Variants in EYA3 observed in about 807,000 individuals in gnomAD.
The protein encoded by EYA3 is protein phosphatase EYA3.
EYA3 carries 39 observed loss-of-function variants against 80.0 expected under a neutral mutation model. The observed-to-expected ratio is 0.49, with a 90% CI of 0.38 to 0.64. The LOEUF (loss-of-function observed/expected upper bound fraction) is 0.64. Ranked by LOEUF, EYA3 falls within the 30% of genes least tolerant of loss-of-function variation. EYA3 has a pLI of 0.00. For missense variants in EYA3, 523 were observed against 676.1 expected, an observed-to-expected ratio of 0.77 and a Z score of 2.51; for synonymous variants, 206 against 232.8, an observed-to-expected ratio of 0.88 and a Z score of 1.05.
chr1:28,047,032 A>G (rs1644033670), intron 3 of EYA3, among the ~76,000 whole-genome samples: 1 of 151,732 alleles, frequency 6.6e-6, no homozygotes, highest in Non-Finnish European at 1.5e-5. Context: ...TGTTTTTTAT[A>G]GAGACAGCAT....
chr1:28,044,265 A>G (rs1391706406), intron 3 of EYA3, among the ~76,000 whole-genome samples: 1 of 152,184 alleles, frequency 6.6e-6, no homozygotes, highest in Non-Finnish European at 1.5e-5. Context: ...GCTCAAGTTC[A>G]TATTCTATTC....
intron 1 of EYA3, among the ~76,000 whole-genome samples, chr1:28,086,326 A>T (rs1645651312): frequency 6.6e-6 from 1 of 152,000 alleles, no homozygotes; most frequent in South Asian, 2.1e-4. Flanking sequence ...CAATCCTCCA[A>T]CCTCAACCTC....
chr1:27,991,091 A>G (rs1254611141), intron 14 of EYA3, among the ~76,000 whole-genome samples: 2 of 152,162 alleles, frequency 1.3e-5, no homozygotes, highest in African/African-American at 4.8e-5. Flanking sequence ...AGACTGGTTG[A>G]CCACACTTTG....
intron 7 of EYA3, among the ~76,000 whole-genome samples, chr1:28,025,948 G>A (rs12562773): frequency 6.6e-5 from 10 of 152,008 alleles, no homozygotes; most frequent in African/African-American, 9.7e-5. Context: ...TAGTAGAGAC[G>A]GGGTTTCTCC....
In EYA3 at chr1:28,003,472, A is replaced by AAAAC. The variant is rs111781878; in HGVS notation, c.993+860_993+863dup. On this transcript the variant is annotated intron_variant, in intron 11 of 17. Transcript: ENST00000373871. ...TGACAAGAGCAAGACTCTCTCTCAA[A>AAAAC]AAACAAACAAACAAACAAACAAACA... Among the ~76,000 whole-genome samples the AAAAC allele has an allele frequency of 2.7e-3, 409 of 152,162 alleles. 2 individuals are homozygous for AAAAC. Among genetic ancestry groups the AAAAC allele is most frequent in the African/African-American group, 8.6e-3 (357 of 41,440 alleles).
At position 28,005,714 on chromosome 1, in the gene EYA3, C is replaced by CA. The variant is rs1200891131; in HGVS notation, c.910-1296dup. 1.5e-3 allele frequency among the ~76,000 whole-genome samples: 221 copies of CA among 150,522 alleles called. 1 individual carries two copies. The highest frequency in any genetic ancestry group is 4.9e-3 in the African/African-American group (201 of 40,980). ...TGGGCAACGAAGTGAGAACCTGTCT[C>CA]AAAAAAAACCCAAAAAACAAAAAAC... On this transcript the variant is annotated intron_variant, in intron 10 of 17. Transcript: ENST00000373871.
At chr1:28,042,761 A>C in intron 3 of EYA3, 111 bp from the exon 4 acceptor site, 1 of 812,740 alleles carries the variant, frequency 1.2e-6, no homozygotes, top group South Asian at 1.5e-5. Context: ...AGGCAAAGTA[A>C]ATCTTCGTGA....
chr1:28,014,424 A>T (rs11588461), intron 8 of EYA3, among the ~76,000 whole-genome samples: 2 of 130,310 alleles, frequency 1.5e-5, no homozygotes, highest in East Asian at 2.5e-4. Context: ...TCTCAAAAAA[A>T]AAAAAAAAAA....
At chr1:28,059,773 T>G (rs892367189) in intron 1 of EYA3, among the ~76,000 whole-genome samples, 51 of 144,506 alleles carry the variant, frequency 3.5e-4, no homozygotes, top group Non-Finnish European at 6.1e-4. Context: ...CAGGCTGGAG[T>G]GCAGTGGCGC....
At chr1:28,055,290 T>C (rs1169354197) in intron 2 of EYA3, among the ~76,000 whole-genome samples, 3 of 152,124 alleles carry the variant, frequency 2.0e-5, no homozygotes, top group South Asian at 2.1e-4. Context: ...TGTACAATAA[T>C]CAGTCAAAAG....
intron 7 of EYA3, among the ~76,000 whole-genome samples, chr1:28,018,175 G>A (rs1395821592): frequency 1.3e-5 from 2 of 151,106 alleles, no homozygotes; most frequent in Non-Finnish European, 1.5e-5. Context: ...CAGCCTGGGT[G>A]ACAGAGCAAG....
chr1:28,016,532 T>TAAAA (rs11318124), intron 8 of EYA3, among the ~76,000 whole-genome samples: 1 of 113,954 alleles, frequency 8.8e-6, no homozygotes, highest in Non-Finnish European at 1.8e-5. Flanking sequence ...GACTCCATCT[T>TAAAA]AAAAAAAAAA....
At chr1:28,044,307 G>A (rs767802401) in intron 3 of EYA3, among the ~76,000 whole-genome samples, 7 of 152,186 alleles carry the variant, frequency 4.6e-5, no homozygotes, top group Non-Finnish European at 8.8e-5. Flanking sequence ...CCTTGGACAA[G>A]TCACTGAACT....
At chr1:28,017,022 G>A in intron 8 of EYA3, 132 bp downstream of exon 8, 1 of 667,148 alleles carries the variant, frequency 1.5e-6, no homozygotes. Context: ...AGTTCTGAAG[G>A]TATCCAGAAA....
At chr1:28,010,848 C>A in intron 10 of EYA3, 99 bp downstream of exon 10, 2 of 1,380,636 alleles carry the variant, frequency 1.4e-6, no homozygotes, top group South Asian at 2.8e-5. Context: ...GGGCACATAA[C>A]ATAGTGCACA....
chr1:28,002,518 A>G (rs879525890), intron 11 of EYA3, among the ~76,000 whole-genome samples: 17 of 152,070 alleles, frequency 1.1e-4, no homozygotes, highest in Admixed American at 1.0e-3. Flanking sequence ...CCTGTAGAAA[A>G]TACTAACAGA....
At chr1:28,048,701 T>G (rs753542940) in intron 2 of EYA3, among the ~76,000 whole-genome samples, 50 of 152,196 alleles carry the variant, frequency 3.3e-4, no homozygotes, top group Admixed American at 2.6e-4. Context: ...TAGGATAAAG[T>G]ATCCAAGCTT....
intron 5 of EYA3, 44 bp downstream of exon 5, chr1:28,038,795 T>C (rs781680828): frequency 1.2e-5 from 14 of 1,177,578 alleles, no homozygotes; most frequent in Non-Finnish European, 1.6e-5. Context: ...GCAATGAATC[T>C]ACAGAAAAAG....
intron 3 of EYA3, among the ~76,000 whole-genome samples, chr1:28,045,932 C>T (rs1643987332): frequency 1.3e-5 from 2 of 152,064 alleles, no homozygotes; most frequent in Admixed American, 1.3e-4. Flanking sequence ...TATTATTGAG[C>T]CTTAAAAAGA....
Sources: allele counts gnomAD v4.1 joint callset (sites outside exome capture counted in the v4.1 genomes callset), GRCh38; gene constraint gnomAD v4.1.1; transcripts MANE v1.5; gene names NCBI Gene and HGNC (gene_info 2026-07-23, HGNC 2026-07-21).